The following ERAP1 variants were observed in gnomAD, a reference collection of about 807,000 sequenced individuals.
ERAP1 encodes endoplasmic reticulum aminopeptidase 1, also known as adipocyte-derived leucine aminopeptidase.
In ERAP1, 86 loss-of-function variants were observed where a neutral mutation model predicts 103.7. That is an observed-to-expected ratio of 0.83 (90% CI 0.70 to 0.99). The LOEUF (loss-of-function observed/expected upper bound fraction) is 0.99. Ranked by LOEUF, ERAP1 falls within the 50% of genes least tolerant of loss-of-function variation. The pLI, the probability that ERAP1 is intolerant of heterozygous loss-of-function variation, is 0.00. For synonymous variants in ERAP1, 398 were observed against 402.4 expected (o/e 0.99, Z 0.13); for missense variants, 1,009 against 1,128.4 (o/e 0.89, Z 1.52).
the ERAP1 span, among the ~76,000 whole-genome samples, chr5:96,912,196 AAAAAAAAAGAAAAG>A: frequency 6.7e-6 from 1 of 150,034 alleles, no homozygotes; most frequent in Non-Finnish European, 1.5e-5. Context: ...CTCAAAAAAA[AAAAAAAAAGAAAAG>A]AAAAGAAAAA....
chr5:96,918,089 G>A, the ERAP1 span: 1 of 152,482 alleles, frequency 6.6e-6, no homozygotes, highest in Admixed American at 6.5e-5. Flanking sequence ...CCTGCTCTCA[G>A]CTATCGTATC....
intron 1 of ERAP1, among the ~76,000 whole-genome samples, chr5:96,806,800 A>G (rs1210605338): frequency 4.6e-5 from 7 of 151,678 alleles, no homozygotes. Flanking sequence ...TTTCCTGAAC[A>G]ATGAAATTAA....
At chr5:96,868,694 C>T in the ERAP1 span, among the ~76,000 whole-genome samples, 3 of 151,112 alleles carry the variant, frequency 2.0e-5, no homozygotes, top group South Asian at 2.1e-4. Flanking sequence ...GATTTCTAGA[C>T]GTCACCCCGA....
At chr5:96,818,485 T>C in the ERAP1 span, among the ~76,000 whole-genome samples, 1 of 151,892 alleles carries the variant, frequency 6.6e-6, no homozygotes, top group South Asian at 2.1e-4. Flanking sequence ...CTAGAGTTAA[T>C]GGCTAAGTTC....
chr5:96,891,519 CCATATACG>C, the ERAP1 span, among the ~76,000 whole-genome samples: 2 of 27,486 alleles, frequency 7.3e-5, no homozygotes, highest in East Asian at 1.1e-3. Flanking sequence ...ATATATATGC[CCATATACG>C]GTATATATAC....
chr5:96,828,377 T>C, the ERAP1 span, among the ~76,000 whole-genome samples: 1 of 152,194 alleles, frequency 6.6e-6, no homozygotes, highest in Admixed American at 6.5e-5. Flanking sequence ...ACATTAGTAA[T>C]AATAATAATA....
At chr5:96,891,508 TA>T in the ERAP1 span, among the ~76,000 whole-genome samples, 1 of 31,816 alleles carries the variant, frequency 3.1e-5, no homozygotes, top group Admixed American at 3.9e-4. Flanking sequence ...TGTATATATA[TA>T]TATATATGCC....
chr5:96,798,186 G>A (rs1402004238), intron 3 of ERAP1, among the ~76,000 whole-genome samples: 6 of 152,006 alleles, frequency 3.9e-5, no homozygotes, highest in Middle Eastern at 3.4e-3. Flanking sequence ...TTAGCCGGGC[G>A]TGGTGGCAGG....
chr5:96,901,432 G>A, the ERAP1 span: 1 of 1,499,176 alleles, frequency 6.7e-7, no homozygotes, highest in Non-Finnish European at 9.1e-7. Context: ...CATCCAAGGA[G>A]ATGGAAGTTT....
the ERAP1 span, among the ~76,000 whole-genome samples, chr5:96,913,646 AT>A: frequency 6.6e-6 from 1 of 152,210 alleles, no homozygotes; most frequent in Non-Finnish European, 1.5e-5. Context: ...AGACATGAGA[AT>A]AAGGGAATGG....
rs150362009 is a variant in ERAP1 at position 96,788,533 on chromosome 5, A to C, written c.1677T>G (p.Thr559=). ...AAATTTTACTCTAGGAGCATTACCC[A>C]GTGTCCGGGGCGCCGTCAGAGCCCT... ...YMKGSDGAPD[T]GYLWHVPLTF... is the part of the protein sequence containing the mutation. Residue 559 remains threonine (T), a splice_region_variant and synonymous_variant, in exon 11 of 19, where the codon ACT becomes ACG. Transcript: ENST00000443439. The C allele has an allele frequency of 2.8e-5, 46 of 1,614,180 alleles. No homozygotes were observed. The African/African-American group carries it at 3.9e-4, about 14-fold the overall frequency.
At chr5:96,772,254 C>G (rs1214720887), downstream of ERAP1, 1 of 153,636 alleles carries the variant, frequency 6.5e-6, no homozygotes, top group South Asian at 2.1e-4. Context: ...AGAAACTGGA[C>G]AGATTGAAGG....
the ERAP1 span, among the ~76,000 whole-genome samples, chr5:96,824,837 C>T: frequency 6.6e-6 from 1 of 152,258 alleles, no homozygotes; most frequent in East Asian, 1.9e-4. Context: ...TCACTTCAGC[C>T]CTGGAGTTCG....
At chr5:96,830,273 G>A in the ERAP1 span, among the ~76,000 whole-genome samples, 44 of 152,268 alleles carry the variant, frequency 2.9e-4, 1 homozygote, top group Admixed American at 8.5e-4. Flanking sequence ...ATGCCTTTGG[G>A]TACTTGACAA....
At chr5:96,903,960 G>A in the ERAP1 span, among the ~76,000 whole-genome samples, 1 of 152,212 alleles carries the variant, frequency 6.6e-6, no homozygotes, top group East Asian at 1.9e-4. Flanking sequence ...ACTTAGTGTG[G>A]ACTCTCTAAG....
intron 14 of ERAP1, among the ~76,000 whole-genome samples, 184 bp from the exon 15 acceptor site, chr5:96,783,419 CTT>C (rs3214476): frequency 0.059 from 8,748 of 148,368 alleles, 340 homozygotes; most frequent in East Asian, 0.17. Flanking sequence ...TGATGAATGA[CTT>C]TCATATTTTC....
At chr5:96,906,468 A>G in the ERAP1 span, among the ~76,000 whole-genome samples, 2 of 152,024 alleles carry the variant, frequency 1.3e-5, no homozygotes, top group Non-Finnish European at 2.9e-5. Context: ...GCGTCTGCCT[A>G]TGTTGTCCAG....
At chr5:96,896,753 C>G in the ERAP1 span, 7 of 1,571,390 alleles carry the variant, frequency 4.5e-6, no homozygotes, top group Non-Finnish European at 6.0e-6. Flanking sequence ...TTTGAATATG[C>G]TCAAGGATTT....
rs1252251001 is a variant in ERAP1, at chr5:96,781,927, T to C, written c.2286-73A>G. 12 of 1,439,822 alleles carry C rather than the reference T, an allele frequency of 8.3e-6. No individual in the cohort carries two copies. In the Admixed American group the frequency reaches 1.7e-4, roughly 20 times the overall value. 89.2% of individuals were successfully genotyped at this position (1,439,822 alleles called of 1,614,324 possible). A position where few individuals can be genotyped will look rare whatever the true frequency, so the allele number is the denominator to read the frequency against. On this transcript the variant is annotated intron_variant, in intron 15 of 18. Coordinates refer to ENST00000443439, the MANE Select transcript of ERAP1 (RefSeq NM_001040458.3). ...GTTTAGAGGCATAATGGTGACTAAC[T>C]ATGAACTGCTGAACTTTCCCCATGA...
Sources: gnomAD v4.1 joint callset for allele counts (sites outside exome capture counted in the v4.1 genomes callset) on GRCh38, gnomAD v4.1.1 for gene constraint, MANE v1.5 for transcripts, NCBI Gene and HGNC (gene_info 2026-07-23, HGNC 2026-07-21) for gene names.